Variants in BCL9 observed in about 807,000 individuals in gnomAD.
BCL9 encodes the protein B-cell CLL/lymphoma 9 protein.
A neutral mutation model predicts 88.5 loss-of-function variants in BCL9; 25 were observed. The observed-to-expected ratio is 0.28, with a 90% CI of 0.21 to 0.39. BCL9 has a LOEUF of 0.39. BCL9 is among the 10% of genes least tolerant of loss of function. The pLI, the probability that BCL9 is intolerant of heterozygous loss-of-function variation, is 1.00. For synonymous variants in BCL9, 711 were observed against 673.3 expected (o/e 1.06, Z -0.87); for missense variants, 1,817 against 1,877.8 (o/e 0.97, Z 0.60).
chr1:147,611,565 C>G lies in BCL9; in HGVS notation c.-259-13C>G, dbSNP rs1269516631. ...TTTGCTCCCAACTTTTTTTGGGTGG[C>G]CTTTTCCTGTAGTATGCCCTGGAGA... On this transcript the variant is annotated splice_polypyrimidine_tract_variant and intron_variant, in intron 3 of 9. Coordinates refer to ENST00000234739, the MANE Select transcript of BCL9 (RefSeq NM_004326.4). 4 of 480,442 alleles carry G rather than the reference C, an allele frequency of 8.3e-6. No individual in the cohort carries two copies. Among genetic ancestry groups the G allele is most frequent in the Non-Finnish European group, 1.1e-5 (3 of 266,438 alleles). 29.8% of individuals were successfully genotyped at this position (480,442 alleles called of 1,614,324 possible). A position where few individuals can be genotyped will look rare whatever the true frequency, so the allele number is the denominator to read the frequency against.
At chr1:147,575,759 T>C (rs76537244) in intron 1 of BCL9, among the ~76,000 whole-genome samples, 5,337 of 152,308 alleles carry the variant, frequency 0.035, 133 homozygotes, top group Non-Finnish European at 0.043. Context: ...TAATTTAGAT[T>C]TTTGTGTGCA....
rs587663175 is a variant in BCL9 at position 147,546,393 on chromosome 1, T to A, written c.-478+4719T>A. 9.3e-4 allele frequency among the ~76,000 whole-genome samples: 141 copies of A among 152,200 alleles called. No individual in the cohort carries two copies. The South Asian group carries it at 0.013, about 14-fold the overall frequency. ...AGTTTTGCCATCCCCCCCCTTTTTT[T>A]AAAACACTAGAATTTAGAGTGTTCA... On this transcript the variant is annotated intron_variant, in intron 1 of 9. Transcript: ENST00000234739.
intron 1 of BCL9, among the ~76,000 whole-genome samples, chr1:147,545,284 C>T (rs782059819): frequency 6.6e-6 from 1 of 152,194 alleles, no homozygotes; most frequent in Non-Finnish European, 1.5e-5. Flanking sequence ...CTCCTCTGAG[C>T]GGTATGCACT....
At chr1:147,547,207 G>A (rs1654646836) in intron 1 of BCL9, among the ~76,000 whole-genome samples, 1 of 152,052 alleles carries the variant, frequency 6.6e-6, no homozygotes, top group African/African-American at 2.4e-5. Context: ...AAATATGTGT[G>A]TGCATATATA....
In BCL9 at chr1:147,625,964, C is replaced by T. The variant is rs899529507; in HGVS notation, c.*1005C>T. Reference sequence around the variant, plus strand: ...TAAGTCTTTCTCTTTCCCATCATACCCTTCCCTGCCCACCTTGTTTTCTGT... The same window carrying T: ...TAAGTCTTTCTCTTTCCCATCATACTCTTCCCTGCCCACCTTGTTTTCTGT... On this transcript the variant is annotated 3_prime_UTR_variant, in exon 10 of 10. Coordinates refer to ENST00000234739, the MANE Select transcript of BCL9 (RefSeq NM_004326.4). 2 of 232,272 alleles carry T rather than the reference C, an allele frequency of 8.6e-6. No homozygotes were observed. Among genetic ancestry groups the T allele is most frequent in the Non-Finnish European group, 1.7e-5 (2 of 117,236 alleles). 14.4% of individuals were successfully genotyped at this position (232,272 alleles called of 1,614,324 possible).
At chr1:147,555,663 G>A (rs1201769393) in intron 1 of BCL9, among the ~76,000 whole-genome samples, 2 of 152,144 alleles carry the variant, frequency 1.3e-5, no homozygotes, top group African/African-American at 2.4e-5. Context: ...TCTGAGTCTC[G>A]TTTCTTACAT....
At chr1:147,571,729 A>G (rs1553197445) in intron 1 of BCL9, among the ~76,000 whole-genome samples, 1 of 152,166 alleles carries the variant, frequency 6.6e-6, no homozygotes, top group Non-Finnish European at 1.5e-5. Context: ...ACACTTGGTA[A>G]GAAAAGCTGG....
intron 2 of BCL9, 41 bp downstream of exon 2, chr1:147,604,952 A>G (rs1570893637): frequency 1.3e-5 from 2 of 152,206 alleles, no homozygotes; most frequent in Admixed American, 1.3e-4. Flanking sequence ...TTGTGATTCA[A>G]TCTGAATATG....
chr1:147,569,125 G>A (rs1557829366), intron 1 of BCL9, among the ~76,000 whole-genome samples: 2 of 151,802 alleles, frequency 1.3e-5, no homozygotes, highest in Non-Finnish European at 2.9e-5. Flanking sequence ...TACAGGTCTG[G>A]AGGAGGCTTA....
intron 1 of BCL9, among the ~76,000 whole-genome samples, chr1:147,544,832 T>C (rs1654482880): frequency 6.6e-6 from 1 of 152,128 alleles, no homozygotes; most frequent in Admixed American, 6.5e-5. Flanking sequence ...AGATAGAATG[T>C]TTTTTCTCTC....
At chr1:147,617,975 G>A (rs1346855432) in intron 7 of BCL9, among the ~76,000 whole-genome samples, 1 of 152,126 alleles carries the variant, frequency 6.6e-6, no homozygotes, top group African/African-American at 2.4e-5. Context: ...AGGTGAGTGT[G>A]CTTCTACCCT....
At chr1:147,559,841 A>C (rs1174328268) in intron 1 of BCL9, among the ~76,000 whole-genome samples, 1 of 152,208 alleles carries the variant, frequency 6.6e-6, no homozygotes, top group Non-Finnish European at 1.5e-5. Context: ...GTATTTGAAA[A>C]AGAAGATTCT....
At chr1:147,597,320 G>A (rs77397313) in intron 1 of BCL9, among the ~76,000 whole-genome samples, 4,114 of 152,284 alleles carry the variant, frequency 0.027, 85 homozygotes, top group Non-Finnish European at 0.043. Flanking sequence ...AAAGAACTAA[G>A]AAGTCAAACT....
chr1:147,613,494 T>A (rs1373608113), intron 5 of BCL9, among the ~76,000 whole-genome samples: 1 of 152,194 alleles, frequency 6.6e-6, no homozygotes, highest in African/African-American at 2.4e-5. Context: ...CTGGCCTCTA[T>A]GCTGTTTGTA....
At position 147,584,321 on chromosome 1, in the gene BCL9, A is replaced by C. The variant is rs587631011; in HGVS notation, c.-477-20456A>C. Among the ~76,000 whole-genome samples, 14 of 152,294 alleles carry C rather than the reference A, an allele frequency of 9.2e-5. No homozygotes were observed. The South Asian group carries it at 2.1e-3, about 23-fold the overall frequency. On this transcript the variant is annotated intron_variant, in intron 1 of 9. Transcript: ENST00000234739. ...CTGGACTTCCCAAAGTGCTGGGATTACAGGTGTGAGCCACCGCACCCAGCC... is the reference window on the plus strand; with the variant it reads ...CTGGACTTCCCAAAGTGCTGGGATTCCAGGTGTGAGCCACCGCACCCAGCC...
chr1:147,578,217 G>A (rs1231231605), intron 1 of BCL9, among the ~76,000 whole-genome samples: 2 of 152,044 alleles, frequency 1.3e-5, no homozygotes, highest in Non-Finnish European at 2.9e-5. Flanking sequence ...TTTACAGCAG[G>A]AACCATGTGA....
At chr1:147,541,748 G>A (rs781930364) in intron 1 of BCL9, 74 bp downstream of exon 1, 5 of 152,096 alleles carry the variant, frequency 3.3e-5, no homozygotes, top group Non-Finnish European at 7.3e-5. Context: ...TCTCATTCCT[G>A]CGCTGCTCTG....
intron 1 of BCL9, among the ~76,000 whole-genome samples, chr1:147,582,136 C>T (rs782671185): frequency 1.5e-4 from 23 of 152,290 alleles, no homozygotes; most frequent in African/African-American, 5.5e-4. Context: ...GGGATAAGAC[C>T]ATGTATGCAT....
intron 1 of BCL9, among the ~76,000 whole-genome samples, chr1:147,591,901 T>C (rs1213994043): frequency 2.0e-5 from 3 of 152,198 alleles, no homozygotes; most frequent in Non-Finnish European, 4.4e-5. Context: ...TTATTAAACA[T>C]CTTCTGTTGT....
Sources: allele counts gnomAD v4.1 joint callset (sites outside exome capture counted in the v4.1 genomes callset), GRCh38; gene constraint gnomAD v4.1.1; transcripts MANE v1.5; gene names NCBI Gene and HGNC (gene_info 2026-07-23, HGNC 2026-07-21).